Variants in SDHC observed in about 807,000 individuals in gnomAD.
SDHC encodes the protein succinate dehydrogenase complex subunit C.
In SDHC, 11 loss-of-function variants were observed where a neutral mutation model predicts 22.6. That is an observed-to-expected ratio of 0.49 (90% CI 0.31 to 0.81). The LOEUF is 0.81. SDHC is among the 30% of genes least tolerant of loss of function. The pLI is 0.05. For synonymous variants in SDHC, 80 were observed against 77.8 expected (o/e 1.03, Z -0.15); for missense variants, 160 against 212.0 (o/e 0.75, Z 1.52).
chr1:161,349,973 T>A (rs898006641), intron 4 of SDHC, among the ~76,000 whole-genome samples: 6 of 152,236 alleles, frequency 3.9e-5, no homozygotes, highest in Admixed American at 3.9e-4. Context: ...TGCAGTGACA[T>A]AATCTCGGCT....
intron 4 of SDHC, among the ~76,000 whole-genome samples, chr1:161,347,824 C>A (rs994548653): frequency 6.6e-6 from 1 of 151,972 alleles, no homozygotes; most frequent in African/African-American, 2.4e-5. Context: ...CGAGATCACG[C>A]CACTGCACTC....
chr1:161,318,185 T>C (rs1286832495), intron 1 of SDHC, among the ~76,000 whole-genome samples: 2 of 151,352 alleles, frequency 1.3e-5, no homozygotes, highest in South Asian at 4.2e-4. Flanking sequence ...AAAAAAAAAA[T>C]TGTACTGTGT....
chr1:161,344,954 C>T (rs1335364735), intron 4 of SDHC, among the ~76,000 whole-genome samples: 2 of 152,160 alleles, frequency 1.3e-5, no homozygotes, highest in African/African-American at 4.8e-5. Context: ...ATTCTTGTGG[C>T]CCTAGTCCCA....
chr1:161,348,081 T>C (rs926061425), intron 4 of SDHC, among the ~76,000 whole-genome samples: 1 of 152,198 alleles, frequency 6.6e-6, no homozygotes, highest in Non-Finnish European at 1.5e-5. Flanking sequence ...ATGGCTAATA[T>C]ATAAATTTTA....
chr1:161,316,490 A>G (rs1373036844), intron 1 of SDHC, among the ~76,000 whole-genome samples: 1 of 152,222 alleles, frequency 6.6e-6, no homozygotes, highest in Admixed American at 6.5e-5. Flanking sequence ...TTGACACAGC[A>G]CATGTCTAAG....
At chr1:161,328,612 G>A in intron 3 of SDHC, 115 bp downstream of exon 3, 1 of 747,564 alleles carries the variant, frequency 1.3e-6, no homozygotes, top group Non-Finnish European at 2.4e-6. Context: ...ATACTGCTAT[G>A]TAGATGAGGT....
chr1:161,340,522 T>C, intron 3 of SDHC, 72 bp from the exon 4 acceptor site: 1 of 1,334,588 alleles, frequency 7.5e-7, no homozygotes, highest in East Asian at 2.3e-5. Flanking sequence ...GTTTATATTT[T>C]TGCCAAGATA....
At chr1:161,324,367 G>GGAT (rs1350706293) in intron 2 of SDHC, among the ~76,000 whole-genome samples, 1 of 152,164 alleles carries the variant, frequency 6.6e-6, no homozygotes, top group Non-Finnish European at 1.5e-5. Context: ...GCCTCGGCTG[G>GGAT]GATTATAGGC....
chr1:161,325,730 A>C (rs535126165), intron 2 of SDHC, among the ~76,000 whole-genome samples: 1 of 152,318 alleles, frequency 6.6e-6, no homozygotes, highest in African/African-American at 2.4e-5. Context: ...GATTTTTGAG[A>C]ACCTGAAAGG....
chr1:161,320,444 A>C (rs1298953246), intron 1 of SDHC, among the ~76,000 whole-genome samples: 1 of 152,198 alleles, frequency 6.6e-6, no homozygotes, highest in Non-Finnish European at 1.5e-5. Context: ...CAGTCATATA[A>C]TGTATGACTA....
At chr1:161,336,181 C>T (rs940757698) in intron 3 of SDHC, among the ~76,000 whole-genome samples, 6 of 152,090 alleles carry the variant, frequency 3.9e-5, no homozygotes, top group Non-Finnish European at 5.9e-5. Flanking sequence ...TTAGGAGGCC[C>T]GGTGCGGTGG....
At chr1:161,328,659 A>G (rs1442409994) in intron 3 of SDHC, among the ~76,000 whole-genome samples, 162 bp downstream of exon 3, 1 of 152,230 alleles carries the variant, frequency 6.6e-6, no homozygotes, top group Non-Finnish European at 1.5e-5. Flanking sequence ...CATAAGGATT[A>G]TCTTACACCT....
chr1:161,318,390 G>A (rs1198197925), intron 1 of SDHC, among the ~76,000 whole-genome samples: 2 of 152,154 alleles, frequency 1.3e-5, no homozygotes, highest in Admixed American at 6.5e-5. Flanking sequence ...TCTCTAAACA[G>A]TTCAGGGACC....
At chr1:161,329,201 C>T (rs1029497303) in intron 3 of SDHC, among the ~76,000 whole-genome samples, 11 of 152,104 alleles carry the variant, frequency 7.2e-5, no homozygotes, top group African/African-American at 2.2e-4. Context: ...CCACCATGCC[C>T]GGCCACAACT....
intron 3 of SDHC, among the ~76,000 whole-genome samples, chr1:161,335,786 G>GTA (rs1671458582): frequency 2.6e-5 from 4 of 152,036 alleles, no homozygotes. Flanking sequence ...ATACGTGTGT[G>GTA]TATATAAGTA....
chr1:161,316,840 A>G (rs1226871249), intron 1 of SDHC, among the ~76,000 whole-genome samples: 2 of 152,054 alleles, frequency 1.3e-5, no homozygotes, highest in African/African-American at 4.8e-5. Flanking sequence ...CTTCTGAGAA[A>G]TCCTAGGAGC....
intron 1 of SDHC, chr1:161,314,641 T>A: frequency 1.7e-6 from 1 of 606,046 alleles, no homozygotes; most frequent in South Asian, 2.0e-5. Flanking sequence ...TGACTTCGTA[T>A]CGAGGGGCCC....
At chr1:161,326,560 T>TAA (rs1671060376) in intron 2 of SDHC, 1 of 138,654 alleles carries the variant, frequency 7.2e-6, no homozygotes, top group Non-Finnish European at 1.6e-5. Flanking sequence ...TTTTTTTTTT[T>TAA]AAATATATAT....
At chr1:161,337,391 C>A (rs945412019) in intron 3 of SDHC, among the ~76,000 whole-genome samples, 3 of 152,144 alleles carry the variant, frequency 2.0e-5, no homozygotes, top group Non-Finnish European at 2.9e-5. Flanking sequence ...TAGGTCCTTT[C>A]ACATGTCTTT....
Sources: allele counts gnomAD v4.1 joint callset (sites outside exome capture counted in the v4.1 genomes callset), GRCh38; gene constraint gnomAD v4.1.1; transcripts MANE v1.5; gene names NCBI Gene and HGNC (gene_info 2026-07-23, HGNC 2026-07-21).